The following SYT16 variants were observed in gnomAD, a reference collection of about 807,000 sequenced individuals.
SYT16 encodes the protein synaptotagmin 16.
Under a neutral mutation model 61.4 loss-of-function variants are expected in SYT16, and 42 were observed. The ratio of observed to expected loss-of-function variants is 0.68; its 90% CI spans 0.53 to 0.89. The LOEUF is 0.89. Among genes scored for constraint, SYT16 ranks in the 40% least tolerant of loss-of-function variants. The pLI is 0.00. For missense variants in SYT16, 804 were observed against 807.3 expected, an observed-to-expected ratio of 1.00 and a Z score of 0.05; for synonymous variants, 314 against 302.3, an observed-to-expected ratio of 1.04 and a Z score of -0.40.
chr14:61,930,113 G>A lies in SYT16; in HGVS notation c.-324-40019G>A, dbSNP rs746372987. 3.9e-5 allele frequency among the ~76,000 whole-genome samples: 6 copies of A among 152,128 alleles called. No individual in the cohort carries two copies. In the South Asian group the frequency reaches 8.3e-4, roughly 21 times the overall value. ...GGGCTTCTAAACCTGTGGATGCTGA[G>A]TACAAGATGCTTATATTCATAAAGG... On this transcript the variant is annotated intron_variant, in intron 1 of 7. Coordinates refer to ENST00000683842, the MANE Select transcript of SYT16 (RefSeq NM_001367656.1).
intron 1 of SYT16, among the ~76,000 whole-genome samples, chr14:61,949,010 T>TA (rs1269888687): frequency 1.3e-5 from 2 of 152,224 alleles, no homozygotes; most frequent in East Asian, 3.8e-4. Context: ...CTGAGTCATC[T>TA]ACCTAGTAGA....
chr14:61,960,062 G>A (rs1306517364), intron 1 of SYT16, among the ~76,000 whole-genome samples: 1 of 152,090 alleles, frequency 6.6e-6, no homozygotes, highest in Non-Finnish European at 1.5e-5. Context: ...GAACTCTTGT[G>A]CTCAAGTGAT....
chr14:62,099,833 A>G (rs1445752046), intron 7 of SYT16, among the ~76,000 whole-genome samples: 1 of 152,126 alleles, frequency 6.6e-6, no homozygotes, highest in East Asian at 1.9e-4. Context: ...AGCTGTGATC[A>G]TGCCACTGCA....
At chr14:61,891,165 G>A (rs940143110) in intron 1 of SYT16, among the ~76,000 whole-genome samples, 7 of 151,894 alleles carry the variant, frequency 4.6e-5, no homozygotes, top group African/African-American at 7.3e-5. Context: ...TCCTTGATGA[G>A]CATTTGAGAA....
chr14:61,879,519 A>G (rs899182751), intron 1 of SYT16, among the ~76,000 whole-genome samples: 1 of 152,126 alleles, frequency 6.6e-6, no homozygotes, highest in East Asian at 1.9e-4. Flanking sequence ...AATATTGCCA[A>G]CCCCAGTTTC....
chr14:61,998,683 G>C (rs949084633), intron 3 of SYT16, among the ~76,000 whole-genome samples: 3 of 151,890 alleles, frequency 2.0e-5, no homozygotes, highest in Non-Finnish European at 2.9e-5. Context: ...ACACTGGATA[G>C]GGCTTCTATT....
intron 3 of SYT16, among the ~76,000 whole-genome samples, chr14:62,012,148 A>G (rs1267654294): frequency 6.6e-6 from 1 of 152,162 alleles, no homozygotes; most frequent in Non-Finnish European, 1.5e-5. Flanking sequence ...TCTATGGATT[A>G]GGAGTCCAGG....
intron 1 of SYT16, among the ~76,000 whole-genome samples, chr14:61,954,867 TGAA>T (rs1410063519): frequency 6.6e-6 from 1 of 152,140 alleles, no homozygotes; most frequent in Non-Finnish European, 1.5e-5. Flanking sequence ...TTCTAAATGT[TGAA>T]TAATAAAATT....
At chr14:61,812,489 A>G (rs891640986), upstream of SYT16, 4 of 151,134 alleles carry the variant, frequency 2.6e-5, no homozygotes, top group Non-Finnish European at 4.4e-5. Flanking sequence ...GAGGGGCGGG[A>G]AAGGAAAGGA....
chr14:61,945,831 G>C (rs1457806810), intron 1 of SYT16, among the ~76,000 whole-genome samples: 1 of 134,386 alleles, frequency 7.4e-6, no homozygotes, highest in African/African-American at 2.7e-5. Flanking sequence ...ACTCCAGCCT[G>C]GGCGACAGAG....
rs952166889 is a variant in SYT16, at chr14:62,103,345, T to C, written c.*2638T>C. On this transcript the variant is annotated 3_prime_UTR_variant, in exon 8 of 8. Coordinates refer to ENST00000683842, the MANE Select transcript of SYT16 (RefSeq NM_001367656.1). ...CTTCCAGCTAATGATTAATATCTCA[T>C]AGGGAGATTTGACATTGAAGCAGCA... 1 of 152,224 alleles carries C rather than the reference T, an allele frequency of 6.6e-6. No homozygotes were observed. Among genetic ancestry groups the C allele is most frequent in the African/African-American group, 2.4e-5 (1 of 41,456 alleles). 9.4% of individuals were successfully genotyped at this position (152,224 alleles called of 1,614,324 possible). A position where few individuals can be genotyped will look rare whatever the true frequency, so the allele number is the denominator to read the frequency against.
chr14:62,015,045 T>C (rs1053181997), intron 3 of SYT16, among the ~76,000 whole-genome samples: 67 of 152,238 alleles, frequency 4.4e-4, no homozygotes, highest in African/African-American at 1.6e-3. Context: ...CTTCCTTGTC[T>C]TCTTTCTCCA....
chr14:62,049,667 G>T (rs576591137), intron 3 of SYT16, among the ~76,000 whole-genome samples: 2,790 of 152,278 alleles, frequency 0.018, 42 homozygotes, highest in Non-Finnish European at 0.028. Flanking sequence ...TTTAGGGCAG[G>T]CCTGGTGGTG....
chr14:61,915,191 T>G (rs1276327661), intron 1 of SYT16, among the ~76,000 whole-genome samples: 2 of 152,138 alleles, frequency 1.3e-5, no homozygotes, highest in Non-Finnish European at 2.9e-5. Context: ...ATATCTGCCT[T>G]TTTTTGGGTG....
chr14:62,015,586 A>G (rs1379817570), intron 3 of SYT16, among the ~76,000 whole-genome samples: 1 of 152,190 alleles, frequency 6.6e-6, no homozygotes, highest in African/African-American at 2.4e-5. Context: ...AGTCCCCAGT[A>G]TGATGGTATT....
chr14:61,883,606 C>T (rs2047780868), intron 1 of SYT16, among the ~76,000 whole-genome samples: 1 of 152,172 alleles, frequency 6.6e-6, no homozygotes, highest in African/African-American at 2.4e-5. Flanking sequence ...ATTTTTCTGT[C>T]ATCTGAGCCC....
At chr14:62,098,192 G>A (rs1228214872) in intron 7 of SYT16, among the ~76,000 whole-genome samples, 1 of 152,216 alleles carries the variant, frequency 6.6e-6, no homozygotes, top group Non-Finnish European at 1.5e-5. Flanking sequence ...AAATTACAGA[G>A]ATCTGCGTTT....
intron 2 of SYT16, among the ~76,000 whole-genome samples, chr14:61,982,297 T>G (rs2052113762): frequency 6.6e-6 from 1 of 152,122 alleles, no homozygotes; most frequent in Admixed American, 6.5e-5. Context: ...ACACTGTTGA[T>G]AAAGATATAC....
intron 3 of SYT16, among the ~76,000 whole-genome samples, chr14:62,058,086 G>A (rs1024750641): frequency 2.6e-5 from 4 of 152,058 alleles, no homozygotes; most frequent in African/African-American, 4.8e-5. Context: ...AGATTCATTC[G>A]TGTTGTTGCA....
Sources: gnomAD v4.1 joint callset for allele counts (sites outside exome capture counted in the v4.1 genomes callset) on GRCh38, gnomAD v4.1.1 for gene constraint, MANE v1.5 for transcripts, NCBI Gene and HGNC (gene_info 2026-07-23, HGNC 2026-07-21) for gene names.